The following GALK2 variants were observed in gnomAD, a reference collection of about 807,000 sequenced individuals.
GALK2 encodes the protein galactokinase 2, also known as N-acetylgalactosamine kinase.
In GALK2, 36 loss-of-function variants were observed where a neutral mutation model predicts 52.4. The ratio of observed to expected loss-of-function variants is 0.69; its 90% CI spans 0.53 to 0.91. The LOEUF is 0.91. Ranked by LOEUF, GALK2 falls within the 40% of genes least tolerant of loss-of-function variation. The pLI is 0.00. For synonymous variants in GALK2, 176 were observed against 199.1 expected (o/e 0.88, Z 0.98); for missense variants, 579 against 559.1 (o/e 1.04, Z -0.36).
At chr15:49,322,092 G>C (rs886958516) in intron 9 of GALK2, among the ~76,000 whole-genome samples, 1 of 152,176 alleles carries the variant, frequency 6.6e-6, no homozygotes, top group Non-Finnish European at 1.5e-5. Flanking sequence ...TATGGTTCTA[G>C]TGAAAAAGCT....
At chr15:49,262,483 G>T (rs575580951) in intron 5 of GALK2, among the ~76,000 whole-genome samples, 1 of 151,952 alleles carries the variant, frequency 6.6e-6, no homozygotes, top group Non-Finnish European at 1.5e-5. Context: ...TCTTGCTAGC[G>T]GTCTGTCAAT....
At chr15:49,278,660 G>C (rs964687118) in intron 5 of GALK2, among the ~76,000 whole-genome samples, 16 of 152,160 alleles carry the variant, frequency 1.1e-4, no homozygotes, top group African/African-American at 3.9e-4. Context: ...TGGTGGTTAA[G>C]ATTATGGGTG....
intron 5 of GALK2, among the ~76,000 whole-genome samples, chr15:49,263,825 A>G (rs1015593776): frequency 7.0e-6 from 1 of 142,946 alleles, no homozygotes; most frequent in Non-Finnish European, 1.5e-5. Context: ...TCCTTCACTT[A>G]TGAAGCTTAG....
chr15:49,248,381 T>G (rs1185006579), intron 5 of GALK2, among the ~76,000 whole-genome samples: 1 of 152,136 alleles, frequency 6.6e-6, no homozygotes, highest in Non-Finnish European at 1.5e-5. Flanking sequence ...TTAAGGAAAA[T>G]AGTAGTTTAA....
intron 8 of GALK2, among the ~76,000 whole-genome samples, chr15:49,304,357 G>C (rs1216699895): frequency 6.6e-6 from 1 of 152,178 alleles, no homozygotes; most frequent in Non-Finnish European, 1.5e-5. Context: ...GCTTGACCAA[G>C]CAAAAGTTTA....
intron 7 of GALK2, among the ~76,000 whole-genome samples, chr15:49,291,916 G>C (rs2033975861): frequency 6.6e-6 from 1 of 152,104 alleles, no homozygotes; most frequent in Admixed American, 6.6e-5. Flanking sequence ...ATCCTCTCAG[G>C]ACCCAGGTCA....
chr15:49,265,559 G>A (rs930274797), intron 5 of GALK2, among the ~76,000 whole-genome samples: 13 of 152,234 alleles, frequency 8.5e-5, no homozygotes, highest in African/African-American at 1.7e-4. Flanking sequence ...TTTGGCTCGC[G>A]CGCAGTGCGC....
chr15:49,207,689 A>G (rs1413495556), intron 2 of GALK2, among the ~76,000 whole-genome samples: 2 of 152,142 alleles, frequency 1.3e-5, no homozygotes, highest in African/African-American at 2.4e-5. Context: ...AGTGGTATCA[A>G]TTGTAATATC....
At chr15:49,155,988 A>G (rs2084433729) in exon 1 of GALK2, 1 of 1,614,054 alleles carries the variant, frequency 6.2e-7, no homozygotes, top group African/African-American at 1.3e-5. Context: ...TCGCGGAGAA[A>G]AGGCTGACAT....
chr15:49,350,758 C>T (rs553947311), intron 3 of GALK2, among the ~76,000 whole-genome samples: 1 of 152,216 alleles, frequency 6.6e-6, no homozygotes, highest in Admixed American at 6.5e-5. Flanking sequence ...CTCTTATTTG[C>T]TCCAAGGTGA....
chr15:49,304,287 C>T (rs887287790), intron 8 of GALK2, among the ~76,000 whole-genome samples: 7 of 152,124 alleles, frequency 4.6e-5, no homozygotes, highest in Non-Finnish European at 7.4e-5. Flanking sequence ...AGTGATTGTC[C>T]TGTACTGGTA....
rs559508232 is a variant in GALK2, at chr15:49,330,569, G to C, written c.*2410G>C. On this transcript the variant is annotated 3_prime_UTR_variant, in exon 10 of 10. Coordinates refer to ENST00000560031, the MANE Select transcript of GALK2 (RefSeq NM_002044.4). ...TTGTTAGATGAGGCATGGCTATCCA[G>C]TGCGCTACAGTTTCCACAACTGCTT... 2.0e-5 allele frequency: 3 copies of C among 152,268 alleles called. No homozygotes were observed. The highest frequency in any genetic ancestry group is 4.2e-4 in the South Asian group (2 of 4,810). The allele number at this position is 152,268 out of a possible 1,614,324, so 9.4% of individuals were successfully genotyped here. A position where few individuals can be genotyped will look rare whatever the true frequency, so the allele number is the denominator to read the frequency against.
chr15:49,288,632 ACT>A (rs1365161445), intron 7 of GALK2, among the ~76,000 whole-genome samples: 5 of 152,062 alleles, frequency 3.3e-5, no homozygotes, highest in Non-Finnish European at 7.3e-5. Flanking sequence ...CTCTGCCAAG[ACT>A]CTGGCATGGA....
chr15:49,340,581 A>C (rs1263744397), intron 3 of GALK2, among the ~76,000 whole-genome samples: 1 of 152,128 alleles, frequency 6.6e-6, no homozygotes, highest in Non-Finnish European at 1.5e-5. Context: ...TCTTGCCAGC[A>C]AAGTCCTTGC....
At chr15:49,211,324 C>T (rs1395368158) in intron 2 of GALK2, among the ~76,000 whole-genome samples, 1 of 152,190 alleles carries the variant, frequency 6.6e-6, no homozygotes, top group Non-Finnish European at 1.5e-5. Flanking sequence ...TCTGAGACCT[C>T]TTTAGCTGGG....
chr15:49,300,701 A>C (rs573497516), intron 8 of GALK2, among the ~76,000 whole-genome samples: 2 of 152,152 alleles, frequency 1.3e-5, no homozygotes, highest in South Asian at 4.1e-4. Context: ...TGGTTTTATA[A>C]GGGGCTTTTC....
rs570008303 is a variant in GALK2, at chr15:49,191,952, C to T, written c.54-9210C>T. On this transcript the variant is annotated intron_variant, in intron 1 of 9. Transcript: ENST00000560031. ...TCTTCCTTTTATATCACTATGGACTCGGGTTTTTATTTTATTCTATGGATT... is the reference window on the plus strand; with the variant it reads ...TCTTCCTTTTATATCACTATGGACTTGGGTTTTTATTTTATTCTATGGATT... Among the ~76,000 whole-genome samples, 8 of 151,830 alleles carry T rather than the reference C, an allele frequency of 5.3e-5. No individual in the cohort carries two copies. In the South Asian group the frequency reaches 1.2e-3, roughly 24 times the overall value.
At chr15:49,262,432 T>G (rs2141634472) in intron 5 of GALK2, among the ~76,000 whole-genome samples, 1 of 152,340 alleles carries the variant, frequency 6.6e-6, no homozygotes, top group South Asian at 2.1e-4. Context: ...TATCATTTTT[T>G]ATTGCGTCTA....
intron 1 of GALK2, among the ~76,000 whole-genome samples, chr15:49,177,068 A>C (rs1046411221): frequency 6.6e-6 from 1 of 151,836 alleles, no homozygotes; most frequent in Non-Finnish European, 1.5e-5. Context: ...TCTTTTTAAA[A>C]TTTATGTTTG....
Sources: gnomAD v4.1 joint callset for allele counts (sites outside exome capture counted in the v4.1 genomes callset) on GRCh38, gnomAD v4.1.1 for gene constraint, MANE v1.5 for transcripts, NCBI Gene and HGNC (gene_info 2026-07-23, HGNC 2026-07-21) for gene names.